Variants in PDE1C observed in about 807,000 individuals in gnomAD.
PDE1C encodes phosphodiesterase 1C, also known as dual specificity calcium/calmodulin-dependent 3',5'-cyclic nucleotide phosphodiesterase 1C.
Under a neutral mutation model 93.1 loss-of-function variants are expected in PDE1C, and 62 were observed. The observed-to-expected ratio is 0.67, with a 90% CI of 0.54 to 0.82. PDE1C has a LOEUF of 0.82. Among genes scored for constraint, PDE1C ranks in the 40% least tolerant of loss-of-function variants. PDE1C has a pLI of 0.00. For synonymous variants in PDE1C, 325 were observed against 310.1 expected (o/e 1.05, Z -0.50); for missense variants, 742 against 884.6 (o/e 0.84, Z 2.04).
intron 2 of PDE1C, among the ~76,000 whole-genome samples, chr7:32,187,919 T>C (rs1186541820): frequency 6.6e-6 from 1 of 152,234 alleles, no homozygotes; most frequent in Admixed American, 6.5e-5. Context: ...ATAGCCACAT[T>C]ATGCAGGACA....
At chr7:31,664,611 G>A in the PDE1C span, among the ~76,000 whole-genome samples, 13 of 152,186 alleles carry the variant, frequency 8.5e-5, no homozygotes, top group Admixed American at 1.3e-4. Context: ...AATCCTCCTG[G>A]ATTATCACAT....
At chr7:31,939,557 A>G (rs1267354753) in intron 2 of PDE1C, among the ~76,000 whole-genome samples, 1 of 152,150 alleles carries the variant, frequency 6.6e-6, no homozygotes, top group African/African-American at 2.4e-5. Context: ...GAAAAATATA[A>G]ATGAAAACAA....
chr7:32,228,796 G>A (rs373030052), intron 1 of PDE1C, among the ~76,000 whole-genome samples: 1 of 152,128 alleles, frequency 6.6e-6, no homozygotes, highest in African/African-American at 2.4e-5. Context: ...TTCTTCCAGG[G>A]AGGAACTCCT....
chr7:32,416,119 T>A (rs186581976), intron 1 of PDE1C, among the ~76,000 whole-genome samples: 1 of 152,036 alleles, frequency 6.6e-6, no homozygotes, highest in East Asian at 1.9e-4. Context: ...AGCCTGGGAG[T>A]TGGTCATGAG....
intron 1 of PDE1C, among the ~76,000 whole-genome samples, chr7:32,416,470 AC>A (rs1366217169): frequency 1.3e-5 from 2 of 152,144 alleles, no homozygotes; most frequent in Non-Finnish European, 2.9e-5. Context: ...TGCATTAGGC[AC>A]CTCGAGACAT....
chr7:31,963,156 C>T lies in PDE1C; in HGVS notation c.129-82296G>A, dbSNP rs560050727. ...TCATTAATAAAAATAAAAGAACTGC[C>T]TATATTTATTGACCAATTATCATAT... is the stretch of plus-strand genomic sequence containing the variant. On this transcript the variant is annotated intron_variant, in intron 2 of 17. Transcript: ENST00000396191. Among the ~76,000 whole-genome samples, 4 of 151,956 alleles carry T rather than the reference C, an allele frequency of 2.6e-5. No individual in the cohort carries two copies. In the East Asian group the frequency reaches 7.7e-4, roughly 29 times the overall value.
At chr7:31,617,871 T>C in the PDE1C span, among the ~76,000 whole-genome samples, 2 of 152,238 alleles carry the variant, frequency 1.3e-5, no homozygotes, top group Non-Finnish European at 2.9e-5. Context: ...AGAGTTACTT[T>C]TATTTACTTC....
At chr7:32,072,100 A>G (rs1457181286), upstream of PDE1C, among the ~76,000 whole-genome samples, 6 of 152,216 alleles carry the variant, frequency 3.9e-5, no homozygotes, top group Admixed American at 3.9e-4. Context: ...GACCTTAACA[A>G]AGGAATAAAA....
chr7:32,407,946 T>C (rs1785090248), intron 1 of PDE1C, among the ~76,000 whole-genome samples: 1 of 152,126 alleles, frequency 6.6e-6, no homozygotes, highest in Non-Finnish European at 1.5e-5. Flanking sequence ...TTCAAAGAGA[T>C]TTGTATTTGT....
chr7:32,353,523 C>A (rs1251775845), intron 1 of PDE1C, among the ~76,000 whole-genome samples: 1 of 125,668 alleles, frequency 8.0e-6, no homozygotes, highest in African/African-American at 3.1e-5. Flanking sequence ...ATTTTTAAGT[C>A]TTTTTAGTCT....
intron 1 of PDE1C, among the ~76,000 whole-genome samples, chr7:32,210,046 TAACA>T (rs1265879020): frequency 6.6e-6 from 1 of 152,182 alleles, no homozygotes; most frequent in African/African-American, 2.4e-5. Flanking sequence ...ATTTAGATGC[TAACA>T]AACAGGGAAG....
At chr7:31,673,215 GCTGA>G in the PDE1C span, among the ~76,000 whole-genome samples, 2 of 152,196 alleles carry the variant, frequency 1.3e-5, no homozygotes, top group Non-Finnish European at 2.9e-5. Flanking sequence ...GAAGCTGGAG[GCTGA>G]CTAACTACAA....
the PDE1C span, chr7:31,687,192 A>G: frequency 6.6e-6 from 1 of 152,480 alleles, no homozygotes; most frequent in Admixed American, 6.5e-5. Context: ...CCTAGATAAG[A>G]GGAGCTGGAG....
At chr7:32,099,151 A>G (rs1184913864) in intron 3 of PDE1C, among the ~76,000 whole-genome samples, 2 of 152,256 alleles carry the variant, frequency 1.3e-5, no homozygotes, top group Non-Finnish European at 2.9e-5. Flanking sequence ...AAACAAAAGT[A>G]GAGAGATTTA....
At chr7:32,150,298 C>T (rs1221495720) in intron 3 of PDE1C, among the ~76,000 whole-genome samples, 2 of 152,154 alleles carry the variant, frequency 1.3e-5, no homozygotes, top group Admixed American at 6.5e-5. Flanking sequence ...AGAGAGTCAG[C>T]CACATTAAGT....
intron 17 of PDE1C, among the ~76,000 whole-genome samples, chr7:31,754,760 G>A (rs1426092497): frequency 6.6e-6 from 1 of 152,202 alleles, no homozygotes; most frequent in Non-Finnish European, 1.5e-5. Context: ...TTAAATAGGT[G>A]AAGCACAGGG....
chr7:32,246,132 C>A (rs12701202), intron 1 of PDE1C, among the ~76,000 whole-genome samples: 15,878 of 151,830 alleles, frequency 0.1, 891 homozygotes, highest in East Asian at 0.13. Context: ...CCACTCCCAG[C>A]TAATTTTTTT....
chr7:31,832,378 G>A (rs1400069969), intron 11 of PDE1C, among the ~76,000 whole-genome samples: 2 of 152,160 alleles, frequency 1.3e-5, no homozygotes, highest in Non-Finnish European at 2.9e-5. Context: ...AGTACCCTGA[G>A]GCAGTGGCTC....
rs775501849 is a variant in PDE1C, at chr7:31,809,133, A to C, written c.1814-25T>G. ...CCTGAAAGTAATAAACATGACAAAC[A>C]GTATATGTATGCAGCTGAGGGGGTT... On this transcript the variant is annotated intron_variant, in intron 15 of 17. Transcript: ENST00000396191. The C allele has an allele frequency of 9.9e-6, 13 of 1,307,558 alleles. No individual in the cohort carries two copies. In the East Asian group the frequency reaches 3.0e-4, roughly 30 times the overall value. The allele number at this position is 1,307,558 out of a possible 1,614,324, so 81.0% of individuals were successfully genotyped here.
Sources: allele counts gnomAD v4.1 joint callset (sites outside exome capture counted in the v4.1 genomes callset), GRCh38; gene constraint gnomAD v4.1.1; transcripts MANE v1.5; gene names NCBI Gene and HGNC (gene_info 2026-07-23, HGNC 2026-07-21).